The following ZNF475 variants were observed in gnomAD, a reference collection of about 807,000 sequenced individuals.
ZNF475 encodes the protein zinc finger protein 475.
At chr5:122,179,769 G>A in the ZNF475 span, 1 of 1,364,348 alleles carries the variant, frequency 7.3e-7, no homozygotes, top group African/African-American at 1.5e-5. Context: ...CATAAGGGGA[G>A]ACTTTTCTCT....
chr5:122,165,135 C>T, the ZNF475 span, among the ~76,000 whole-genome samples: 2 of 152,222 alleles, frequency 1.3e-5, no homozygotes. Flanking sequence ...AATTAAATCA[C>T]CTATTGAGGG....
At chr5:122,177,516 G>A in the ZNF475 span, among the ~76,000 whole-genome samples, 7 of 152,068 alleles carry the variant, frequency 4.6e-5, no homozygotes, top group African/African-American at 7.2e-5. Context: ...AATTTATATA[G>A]TACCAATATG....
At chr5:122,175,834 T>C in the ZNF475 span, among the ~76,000 whole-genome samples, 2 of 152,198 alleles carry the variant, frequency 1.3e-5, no homozygotes, top group Non-Finnish European at 2.9e-5. Context: ...GCCTAAGGCA[T>C]CCCTATCCTA....
chr5:122,161,628 T>C, the ZNF475 span, among the ~76,000 whole-genome samples: 3 of 152,170 alleles, frequency 2.0e-5, no homozygotes, highest in Non-Finnish European at 4.4e-5. Context: ...AATGTCCAAG[T>C]TCAGGTCAGA....
At chr5:122,161,479 T>C in the ZNF475 span, among the ~76,000 whole-genome samples, 1 of 152,326 alleles carries the variant, frequency 6.6e-6, no homozygotes, top group East Asian at 1.9e-4. Context: ...AAAAAATATC[T>C]TAAAGTTAGA....
At chr5:122,180,246 G>A in the ZNF475 span, among the ~76,000 whole-genome samples, 1 of 152,128 alleles carries the variant, frequency 6.6e-6, no homozygotes, top group Non-Finnish European at 1.5e-5. Flanking sequence ...GGGAGGTAAG[G>A]ACTATGATGC....
chr5:122,181,407 C>G, the ZNF475 span, among the ~76,000 whole-genome samples: 1 of 152,152 alleles, frequency 6.6e-6, no homozygotes, highest in Non-Finnish European at 1.5e-5. Flanking sequence ...CAGTGTCATT[C>G]TTTTCTCATT....
chr5:122,180,974 G>A, the ZNF475 span, among the ~76,000 whole-genome samples: 69 of 152,098 alleles, frequency 4.5e-4, 2 homozygotes, highest in Non-Finnish European at 4.3e-4. Flanking sequence ...TTCTCATTTG[G>A]TGTCAAAATA....
the ZNF475 span, among the ~76,000 whole-genome samples, chr5:122,167,168 T>C: frequency 6.6e-6 from 1 of 152,218 alleles, no homozygotes; most frequent in East Asian, 1.9e-4. Context: ...GTCGGTTATG[T>C]TTCAAACAGA....
the ZNF475 span, among the ~76,000 whole-genome samples, chr5:122,175,846 AAAC>A: frequency 6.6e-6 from 1 of 152,164 alleles, no homozygotes; most frequent in Non-Finnish European, 1.5e-5. Flanking sequence ...CCTATCCTAT[AAAC>A]AACAACAAAA....
At chr5:122,160,441 G>A in the ZNF475 span, among the ~76,000 whole-genome samples, 8 of 152,228 alleles carry the variant, frequency 5.3e-5, no homozygotes, top group African/African-American at 1.9e-4. Context: ...AAATTTAAAG[G>A]ATAATACTCA....
chr5:122,179,545 T>C, the ZNF475 span: 1 of 1,467,708 alleles, frequency 6.8e-7, no homozygotes, highest in Non-Finnish European at 9.1e-7. Context: ...TTATGTTACT[T>C]GCAGCCAACA....
chr5:122,167,252 G>A, the ZNF475 span, among the ~76,000 whole-genome samples: 20 of 152,120 alleles, frequency 1.3e-4, no homozygotes, highest in Non-Finnish European at 2.9e-5. Flanking sequence ...CAGGGCTCAG[G>A]TCCTGAAACT....
At chr5:122,182,092 C>A in the ZNF475 span, among the ~76,000 whole-genome samples, 1 of 152,084 alleles carries the variant, frequency 6.6e-6, no homozygotes, top group African/African-American at 2.4e-5. Flanking sequence ...CCTTTGTAAG[C>A]TTATATTTAG....
the ZNF475 span, chr5:122,162,490 C>A: frequency 1.3e-5 from 2 of 152,088 alleles, no homozygotes; most frequent in African/African-American, 4.8e-5. Context: ...TACTCCCATA[C>A]ATTAAAATGC....
chr5:122,167,644 A>G, the ZNF475 span, among the ~76,000 whole-genome samples: 16 of 152,332 alleles, frequency 1.1e-4, no homozygotes, highest in Admixed American at 3.3e-4. Flanking sequence ...AGTGTTTTTA[A>G]ATCAGCCTTA....
chr5:122,176,963 C>A, the ZNF475 span, among the ~76,000 whole-genome samples: 6 of 152,118 alleles, frequency 3.9e-5, no homozygotes, highest in Non-Finnish European at 5.9e-5. Context: ...CTTAACTCTC[C>A]CATAGATTTG....
At chr5:122,173,120 T>C in the ZNF475 span, among the ~76,000 whole-genome samples, 2 of 152,228 alleles carry the variant, frequency 1.3e-5, no homozygotes, top group Non-Finnish European at 2.9e-5. Context: ...GTTTTCATCA[T>C]GTCTTTTATT....
At chr5:122,167,329 C>A in the ZNF475 span, among the ~76,000 whole-genome samples, 3 of 151,962 alleles carry the variant, frequency 2.0e-5, no homozygotes, top group African/African-American at 7.3e-5. Context: ...CTTTCTCCTA[C>A]AAAAAATTTA....
Sources: allele counts gnomAD v4.1 joint callset (sites outside exome capture counted in the v4.1 genomes callset), GRCh38; gene constraint gnomAD v4.1.1; transcripts MANE v1.5; gene names NCBI Gene and HGNC (gene_info 2026-07-23, HGNC 2026-07-21).